Variants in PTPRG observed in about 807,000 individuals in gnomAD.
PTPRG encodes the protein receptor-type tyrosine-protein phosphatase gamma.
PTPRG carries 102 observed loss-of-function variants against 165.3 expected under a neutral mutation model. The observed-to-expected ratio is 0.62, with a 90% CI of 0.53 to 0.73. The LOEUF (loss-of-function observed/expected upper bound fraction) is 0.73, where lower values mean the gene tolerates loss of function less well. PTPRG is among the 30% of genes least tolerant of loss of function. The probability of loss-of-function intolerance (pLI) is 0.00; values close to 1 mark genes in which losing one functional copy is unlikely to be tolerated. For synonymous variants in PTPRG, 675 were observed against 669.5 expected, an observed-to-expected ratio of 1.01 and a Z score of -0.13; for missense variants, 1,866 against 1,861.4, an observed-to-expected ratio of 1.00 and a Z score of -0.05.
intron 2 of PTPRG, among the ~76,000 whole-genome samples, chr3:61,880,615 C>T (rs1035771044): frequency 7.6e-6 from 1 of 131,580 alleles, no homozygotes; most frequent in African/African-American, 3.1e-5. Flanking sequence ...CAACGCGAAC[C>T]CTGTCTCAAA....
In PTPRG at chr3:62,229,520, A is replaced by G. The variant is rs1158436350; in HGVS notation, c.2289-1705A>G. ...AAAGGTTGCCAGTTAAACATGCTCC[A>G]TGATACTTAAAAAGCTGGACTGATT... On this transcript the variant is annotated intron_variant, in intron 13 of 29. Coordinates refer to ENST00000474889, the MANE Select transcript of PTPRG (RefSeq NM_002841.4). The surrounding 1 kb of genome is among the most constrained non-coding windows in gnomAD (Gnocchi z 4.6). Among the ~76,000 whole-genome samples the G allele has an allele frequency of 6.6e-6, 1 of 152,230 alleles. No individual in the cohort carries two copies. Among genetic ancestry groups the G allele is most frequent in the East Asian group, 1.9e-4 (1 of 5,190 alleles).
At chr3:61,965,244 C>CAAAAA (rs57335330) in intron 2 of PTPRG, among the ~76,000 whole-genome samples, 2 of 134,832 alleles carry the variant, frequency 1.5e-5, no homozygotes, top group Non-Finnish European at 1.6e-5. Context: ...AACTCTGTCT[C>CAAAAA]AAAAAAAAAA....
intron 6 of PTPRG, among the ~76,000 whole-genome samples, chr3:62,141,642 G>A (rs960059728): frequency 6.6e-6 from 1 of 151,804 alleles, no homozygotes; most frequent in Admixed American, 6.6e-5. Flanking sequence ...GCTCACGCCT[G>A]TAACCCCAAC....
chr3:62,076,406 C>G (rs941755218), intron 4 of PTPRG, among the ~76,000 whole-genome samples: 4 of 152,098 alleles, frequency 2.6e-5, no homozygotes, highest in Admixed American at 2.6e-4. Flanking sequence ...TCACAATTAG[C>G]CCAGTAAGTG....
chr3:61,576,406 T>C (rs1231507495), intron 1 of PTPRG, among the ~76,000 whole-genome samples: 1 of 152,208 alleles, frequency 6.6e-6, no homozygotes, highest in African/African-American at 2.4e-5. Flanking sequence ...AACAGGGACA[T>C]TCAGTGAAAG....
chr3:62,162,025 G>A (rs1297409816), intron 7 of PTPRG, among the ~76,000 whole-genome samples: 3 of 152,022 alleles, frequency 2.0e-5, no homozygotes, highest in African/African-American at 7.3e-5. Context: ...TTAAACTATT[G>A]TACATATCAG....
chr3:61,772,926 A>G (rs1336080279), intron 2 of PTPRG, among the ~76,000 whole-genome samples: 1 of 152,238 alleles, frequency 6.6e-6, no homozygotes, highest in Non-Finnish European at 1.5e-5. Context: ...TACCACAACG[A>G]ATGGGAGAAA....
intron 4 of PTPRG, among the ~76,000 whole-genome samples, chr3:62,011,759 C>CGT (rs540700220): frequency 1.3e-3 from 191 of 152,242 alleles, no homozygotes; most frequent in Non-Finnish European, 2.2e-3. Context: ...GCAAAGCAAG[C>CGT]GTGCAAGTTT....
At chr3:62,138,488 G>C (rs1324870949) in intron 6 of PTPRG, among the ~76,000 whole-genome samples, 3 of 152,130 alleles carry the variant, frequency 2.0e-5, no homozygotes, top group Non-Finnish European at 4.4e-5. Context: ...GGAGGCCAAG[G>C]CAGGTGGATC....
At chr3:62,045,677 T>C (rs546677477) in intron 4 of PTPRG, among the ~76,000 whole-genome samples, 1 of 152,334 alleles carries the variant, frequency 6.6e-6, no homozygotes, top group African/African-American at 2.4e-5. Flanking sequence ...CAGTCACCAG[T>C]GCCAGTCATT....
chr3:62,277,416 A>T, intron 25 of PTPRG, 135 bp from the exon 26 acceptor site: 1 of 1,003,550 alleles, frequency 1.0e-6, no homozygotes, highest in Non-Finnish European at 1.4e-6. Context: ...AATTAGCCAA[A>T]TGTACCGAAT....
chr3:62,285,741 T>C (rs4688291), intron 28 of PTPRG, among the ~76,000 whole-genome samples: 81,546 of 151,792 alleles, frequency 0.54, 22,193 homozygotes, highest in African/African-American at 0.55. Flanking sequence ...TAAAAACAGC[T>C]GGGTTCCCAT....
chr3:62,249,481 A>G (rs1023484612), intron 15 of PTPRG, among the ~76,000 whole-genome samples: 1 of 152,112 alleles, frequency 6.6e-6, no homozygotes, highest in African/African-American at 2.4e-5. Flanking sequence ...TTCTCTGCCC[A>G]TGGAGATTTG....
intron 4 of PTPRG, among the ~76,000 whole-genome samples, chr3:62,017,887 G>A (rs2041591568): frequency 6.6e-6 from 1 of 152,182 alleles, no homozygotes; most frequent in Admixed American, 6.5e-5. Flanking sequence ...GAGTTAAAAG[G>A]TGTGCCTTTG....
intron 4 of PTPRG, among the ~76,000 whole-genome samples, chr3:62,045,455 T>C (rs1354700664): frequency 6.6e-6 from 1 of 152,204 alleles, no homozygotes; most frequent in East Asian, 1.9e-4. Context: ...CTCCTCGCTG[T>C]ACATTTTTTC....
chr3:62,079,182 T>C (rs1242821417), intron 5 of PTPRG, among the ~76,000 whole-genome samples: 1 of 152,236 alleles, frequency 6.6e-6, no homozygotes, highest in East Asian at 1.9e-4. Flanking sequence ...TGGAGTATGT[T>C]AATTTCACCA....
chr3:61,570,145 T>C (rs1403305773), intron 1 of PTPRG, among the ~76,000 whole-genome samples: 1 of 152,220 alleles, frequency 6.6e-6, no homozygotes, highest in East Asian at 1.9e-4. Flanking sequence ...ATTTTACACT[T>C]GTGTGACACT....
At chr3:61,885,263 T>A (rs767471832) in intron 2 of PTPRG, among the ~76,000 whole-genome samples, 6 of 152,182 alleles carry the variant, frequency 3.9e-5, no homozygotes, top group Non-Finnish European at 7.3e-5. Flanking sequence ...ACTGCAGATC[T>A]CTATTCTGCT....
intron 7 of PTPRG, among the ~76,000 whole-genome samples, chr3:62,158,292 CA>C (rs1351013091): frequency 6.6e-6 from 1 of 152,088 alleles, no homozygotes; most frequent in African/African-American, 2.4e-5. Flanking sequence ...GACTGAATTA[CA>C]AAAAGTGTCA....
Sources: allele counts gnomAD v4.1 joint callset (sites outside exome capture counted in the v4.1 genomes callset), GRCh38; gene constraint gnomAD v4.1.1; non-coding constraint Gnocchi (gnomAD v3.1); transcripts MANE v1.5; gene names NCBI Gene and HGNC (gene_info 2026-07-23, HGNC 2026-07-21).